MTREX: variants seen among roughly 807,000 people sequenced by gnomAD.
MTREX encodes the protein exosome RNA helicase MTR4.
A neutral mutation model predicts 135.4 loss-of-function variants in MTREX; 76 were observed. The ratio of observed to expected loss-of-function variants is 0.56; its 90% confidence interval spans 0.47 to 0.68. The LOEUF (loss-of-function observed/expected upper bound fraction) is 0.68, where lower values mean the gene tolerates loss of function less well. Among genes scored for constraint, MTREX ranks in the 30% least tolerant of loss-of-function variants. MTREX has a pLI of 0.00. For synonymous variants in MTREX, 404 were observed against 401.6 expected (o/e 1.01, Z -0.07); for missense variants, 920 against 1,262.1 (o/e 0.73, Z 4.11).
intron 12 of MTREX, 72 bp downstream of exon 12, chr5:55,349,724 G>A (rs1422233145): frequency 1.2e-6 from 1 of 825,306 alleles, no homozygotes; most frequent in Non-Finnish European, 2.1e-6. Flanking sequence ...ACATTGCTTG[G>A]TTTTATTACT....
chr5:55,387,798 A>G (rs111864644), intron 18 of MTREX, among the ~76,000 whole-genome samples, 176 bp from the exon 19 acceptor site: 47 of 152,220 alleles, frequency 3.1e-4, no homozygotes, highest in African/African-American at 1.1e-3. Context: ...TTCTCATCCA[A>G]TGGAACATGT....
chr5:55,321,597 A>G (rs1295667539), intron 1 of MTREX, among the ~76,000 whole-genome samples: 1 of 150,048 alleles, frequency 6.7e-6, no homozygotes, highest in Non-Finnish European at 1.5e-5. Flanking sequence ...AGTGTACCAA[A>G]CATCTATTTT....
chr5:55,357,683 C>T (rs769680846), intron 14 of MTREX, among the ~76,000 whole-genome samples: 2 of 152,204 alleles, frequency 1.3e-5, no homozygotes, highest in Non-Finnish European at 2.9e-5. Flanking sequence ...CAGGCATCAG[C>T]ATTGTGACCT....
At chr5:55,341,095 C>T (rs10052348) in intron 6 of MTREX, among the ~76,000 whole-genome samples, 2,087 of 152,214 alleles carry the variant, frequency 0.014, 47 homozygotes, top group African/African-American at 0.047. Flanking sequence ...GAGAACCAGC[C>T]AAAAGCATTG....
chr5:55,424,434 TGCGCCCGA>T (rs1751114233), intron 26 of MTREX: 1 of 216,484 alleles, frequency 4.6e-6, no homozygotes, highest in Non-Finnish European at 9.2e-6. Flanking sequence ...CATGAGCTAC[TGCGCCCGA>T]CCTAGCATTT....
intron 6 of MTREX, among the ~76,000 whole-genome samples, chr5:55,340,531 C>G (rs967036141): frequency 4.6e-5 from 7 of 151,904 alleles, no homozygotes; most frequent in African/African-American, 1.7e-4. Flanking sequence ...TGTGACTTTG[C>G]CGTCTTCTAT....
chr5:55,400,419 C>A lies in MTREX; in HGVS notation c.2479C>A (p.Gln827Lys). Residue 827 changes from glutamine (Q) to lysine (K), a missense_variant and splice_region_variant, in exon 21 of 27, where the codon CAG becomes AAG. Physicochemically the swap from Gln to Lys is moderately conservative, Grantham distance 53. Transcript: ENST00000230640. The stretch of plus-strand genomic sequence containing the variant: ...GTATACGCTTTGTGAAAAAAAAGCA[C>A]AGGTATGGCAGAAATTTGGTTTTTA... Reference protein sequence around the residue: ...TVYTLCEKKAQIAIDIKSAKR... With the variant: ...TVYTLCEKKAKIAIDIKSAKR... 1 of 1,562,732 alleles carries A rather than the reference C, an allele frequency of 6.4e-7. No individual in the cohort carries two copies. Among genetic ancestry groups the A allele is most frequent in the Non-Finnish European group, 8.7e-7 (1 of 1,151,820 alleles).
chr5:55,402,754 TC>T (rs1343060309), intron 21 of MTREX, among the ~76,000 whole-genome samples: 1 of 150,662 alleles, frequency 6.6e-6, no homozygotes, highest in Non-Finnish European at 1.5e-5. Context: ...TCCTGCCCCC[TC>T]CCCATCATTG....
intron 14 of MTREX, chr5:55,356,169 A>G (rs890426889): frequency 1.7e-4 from 26 of 152,906 alleles, no homozygotes; most frequent in Non-Finnish European, 2.5e-4. Context: ...AGGCACAGAG[A>G]AGGAAGTGGG....
At chr5:55,321,680 C>T (rs1405941326) in intron 1 of MTREX, among the ~76,000 whole-genome samples, 2 of 148,278 alleles carry the variant, frequency 1.3e-5, no homozygotes, top group African/African-American at 5.0e-5. Flanking sequence ...GTGATCTCAG[C>T]TTACTGCAGC....
intron 1 of MTREX, among the ~76,000 whole-genome samples, chr5:55,321,319 T>C (rs1749286885): frequency 6.6e-6 from 1 of 152,180 alleles, no homozygotes; most frequent in Non-Finnish European, 1.5e-5. Flanking sequence ...CTCCTTTTCA[T>C]GTGCTTGTTG....
chr5:55,393,914 G>A (rs1750606767), intron 19 of MTREX, among the ~76,000 whole-genome samples: 1 of 152,028 alleles, frequency 6.6e-6, no homozygotes, highest in Non-Finnish European at 1.5e-5. Flanking sequence ...TTCTAGTTAG[G>A]GAACTCTTAG....
intron 4 of MTREX, among the ~76,000 whole-genome samples, chr5:55,328,240 A>G (rs189767691): frequency 2.0e-5 from 3 of 152,188 alleles, no homozygotes; most frequent in Admixed American, 6.5e-5. Flanking sequence ...GTATGCATGA[A>G]CTCTTAAAGT....
chr5:55,424,572 C>T, intron 26 of MTREX, 148 bp from the exon 27 acceptor site: 13 of 601,444 alleles, frequency 2.2e-5, no homozygotes, highest in South Asian at 1.7e-4. Flanking sequence ...CTGCAAATTC[C>T]TCTAGGTGTT....
At chr5:55,331,040 G>A (rs184783420) in intron 5 of MTREX, among the ~76,000 whole-genome samples, 3 of 150,562 alleles carry the variant, frequency 2.0e-5, no homozygotes, top group Non-Finnish European at 4.4e-5. Context: ...TTTTGATTTC[G>A]TCAGTGTTTT....
In MTREX at chr5:55,400,269, T is replaced by A; in HGVS notation, c.2329T>A (p.Leu777Ile). 6.2e-7 allele frequency: 1 copy of A among 1,606,218 alleles called. No individual in the cohort carries two copies. The highest frequency in any genetic ancestry group is 8.5e-7 in the Non-Finnish European group (1 of 1,177,094). Residue 777 changes from leucine to isoleucine, a missense_variant, in exon 21 of 27, where the codon TTA becomes ATA. This residue lies in a region of MTREX where 467 missense variants were observed against 589.7 expected (regional missense o/e 0.79). Transcript: ENST00000230640. ...QKRFPDGIPL[L>I]DPIDDMGIQD... Reference sequence around the variant, plus strand: ...ACGTTTTCCTGACGGCATCCCCTTATTAGACCCTATTGATGATATGGGCAT... The same window carrying A: ...ACGTTTTCCTGACGGCATCCCCTTAATAGACCCTATTGATGATATGGGCAT...
chr5:55,416,031 C>T lies in MTREX; in HGVS notation c.2870C>T (p.Thr957Ile). ...GCCAAATTGGAAATTGATGAGGAAA[C>T]TTATCTAAGCTCATTTAAACCTCAC... is the stretch of plus-strand genomic sequence containing the variant. ...AEAKLEIDEETYLSSFKPHLM... is the reference protein window; with the variant it reads ...AEAKLEIDEEIYLSSFKPHLM... The change falls in exon 25 of 27, where the codon ACT becomes ATT. Residue 957 changes from threonine to isoleucine, a missense_variant. Transcript: ENST00000230640. 1 of 1,602,080 alleles carries T rather than the reference C, an allele frequency of 6.2e-7. No homozygotes were observed.
chr5:55,394,866 C>T lies in MTREX; in HGVS notation c.2182-2550C>T, dbSNP rs374411177. Among the ~76,000 whole-genome samples, 8 of 152,046 alleles carry T rather than the reference C, an allele frequency of 5.3e-5. 1 individual carries two copies. The highest frequency in any genetic ancestry group is 1.3e-4 in the Admixed American group (2 of 15,274). On this transcript the variant is annotated intron_variant, in intron 19 of 26. Transcript: ENST00000230640. ...TGTCTAACATGGTGTAACCCCATCT[C>T]TACTAAAAATACAGAAATTAGCCAG... is the stretch of plus-strand genomic sequence containing the variant.
At chr5:55,397,646 C>A in intron 20 of MTREX, 120 bp downstream of exon 20, 2 of 517,254 alleles carry the variant, frequency 3.9e-6, no homozygotes, top group Non-Finnish European at 6.7e-6. Flanking sequence ...ATAAATACTA[C>A]CAATAGTGAC....
Sources: gnomAD v4.1 joint callset for allele counts (sites outside exome capture counted in the v4.1 genomes callset) on GRCh38, gnomAD v4.1.1 for gene constraint, gnomAD v4.1.1 regional missense constraint, MANE v1.5 for transcripts, NCBI Gene and HGNC (gene_info 2026-07-23, HGNC 2026-07-21) for gene names.